The following RAB38 variants were observed in gnomAD, a reference collection of about 807,000 sequenced individuals.
The protein encoded by RAB38 is ras-related protein Rab-38.
Under a neutral mutation model 18.4 loss-of-function variants are expected in RAB38, and 15 were observed. The observed-to-expected ratio is 0.82, with a 90% CI of 0.55 to 1.26. The LOEUF (loss-of-function observed/expected upper bound fraction) is 1.26, where lower values mean the gene tolerates loss of function less well. RAB38 is among the 50% of genes most tolerant of loss of function. The pLI is 0.00. For missense variants in RAB38, 294 were observed against 267.4 expected, an observed-to-expected ratio of 1.10 and a Z score of -0.69; for synonymous variants, 101 against 104.4, an observed-to-expected ratio of 0.97 and a Z score of 0.20.
At chr11:88,094,454 T>A in the RAB38 span, among the ~76,000 whole-genome samples, 1 of 151,842 alleles carries the variant, frequency 6.6e-6, no homozygotes, top group Non-Finnish European at 1.5e-5. Context: ...TAAGAACAAG[T>A]TTTGCTTTCT....
the RAB38 span, among the ~76,000 whole-genome samples, chr11:87,930,971 T>C: frequency 6.6e-6 from 1 of 152,186 alleles, no homozygotes; most frequent in Non-Finnish European, 1.5e-5. Flanking sequence ...ACTGTAGCCT[T>C]GTAGCATAGT....
At chr11:88,020,547 G>C in the RAB38 span, among the ~76,000 whole-genome samples, 1 of 152,238 alleles carries the variant, frequency 6.6e-6, no homozygotes, top group Non-Finnish European at 1.5e-5. Flanking sequence ...AGGTATCCCA[G>C]ACAGAAACTC....
chr11:88,075,540 G>A, the RAB38 span, among the ~76,000 whole-genome samples: 1 of 152,116 alleles, frequency 6.6e-6, no homozygotes, highest in Non-Finnish European at 1.5e-5. Context: ...AGCAAACGTA[G>A]TACTAAGAGG....
At chr11:87,898,879 A>G in the RAB38 span, among the ~76,000 whole-genome samples, 1 of 151,616 alleles carries the variant, frequency 6.6e-6, no homozygotes, top group Non-Finnish European at 1.5e-5. Flanking sequence ...GGATTCCCCC[A>G]TGTAGGAAGG....
At chr11:87,935,776 G>T in the RAB38 span, among the ~76,000 whole-genome samples, 2 of 151,902 alleles carry the variant, frequency 1.3e-5, no homozygotes, top group Non-Finnish European at 2.9e-5. Context: ...CTGCATCCAT[G>T]AACCTGTTCT....
chr11:87,918,622 G>A, the RAB38 span, among the ~76,000 whole-genome samples: 2 of 152,050 alleles, frequency 1.3e-5, no homozygotes, highest in African/African-American at 4.8e-5. Flanking sequence ...GTATTTCCCT[G>A]ATGACTACTG....
chr11:87,926,461 A>T, the RAB38 span, among the ~76,000 whole-genome samples: 1 of 152,068 alleles, frequency 6.6e-6, no homozygotes, highest in African/African-American at 2.4e-5. Context: ...AGAACACTGA[A>T]TCACTCAGGA....
the RAB38 span, among the ~76,000 whole-genome samples, chr11:88,103,093 A>G: frequency 6.6e-6 from 1 of 152,062 alleles, no homozygotes; most frequent in South Asian, 2.1e-4. Flanking sequence ...TTACTGATTT[A>G]GGAAATTTAA....
At chr11:88,053,354 CACACACATATATATGGAATATATATATAT>C in the RAB38 span, among the ~76,000 whole-genome samples, 203 of 51,974 alleles carry the variant, frequency 3.9e-3, 8 homozygotes, top group African/African-American at 0.011. Context: ...TATATATATA[CACACACATATATATGGAATATATATATAT>C]ACACACACAT....
chr11:88,005,804 G>C, the RAB38 span, among the ~76,000 whole-genome samples: 1 of 151,448 alleles, frequency 6.6e-6, no homozygotes, highest in Non-Finnish European at 1.5e-5. Context: ...GTCTAGTTTT[G>C]TTCTTCTGTA....
At chr11:87,855,442 A>T in the RAB38 span, among the ~76,000 whole-genome samples, 1 of 152,160 alleles carries the variant, frequency 6.6e-6, no homozygotes, top group Admixed American at 6.6e-5. Flanking sequence ...AACAGTGGCG[A>T]TGTAAGAATT....
chr11:87,958,295 A>G, the RAB38 span, among the ~76,000 whole-genome samples: 1 of 152,170 alleles, frequency 6.6e-6, no homozygotes, highest in African/African-American at 2.4e-5. Context: ...TTAGGTGTAT[A>G]AGATGCATTT....
the RAB38 span, among the ~76,000 whole-genome samples, chr11:87,825,140 C>T: frequency 6.6e-6 from 1 of 152,064 alleles, no homozygotes; most frequent in African/African-American, 2.4e-5. Flanking sequence ...ATCAAGAATC[C>T]TACATCTAGT....
At chr11:87,820,677 C>T in the RAB38 span, among the ~76,000 whole-genome samples, 1 of 152,094 alleles carries the variant, frequency 6.6e-6, no homozygotes, top group East Asian at 1.9e-4. Context: ...AAATGAGGTA[C>T]TGTGAATAAG....
At chr11:87,842,124 T>A in the RAB38 span, among the ~76,000 whole-genome samples, 1,169 of 152,134 alleles carry the variant, frequency 7.7e-3, 22 homozygotes, top group African/African-American at 0.027. Context: ...GTGTTATGGA[T>A]GAATAAAGAA....
rs192780970 is a variant in RAB38, at chr11:88,149,904, C to A, written c.254G>T (p.Gly85Val). Reference protein sequence around the residue: ...MTRVYYREAMGAFIVFDVTRP... With the variant: ...MTRVYYREAMVAFIVFDVTRP... ...GGTGACATCGAAGACAATAAATGCA[C>A]CCATAGCTTCTCGGTAATAGACCCT... The change falls in exon 2 of 3, where the codon GGT (glycine) becomes GTT (valine). Residue 85 changes from glycine (G) to valine (V), a missense_variant. By Grantham distance (109) the Gly-to-Val change is moderately radical (BLOSUM62 -3). Coordinates refer to ENST00000243662, the MANE Select transcript of RAB38 (RefSeq NM_022337.3). 1 of 1,613,998 alleles carries A rather than the reference C, an allele frequency of 6.2e-7. No homozygotes were observed.
the RAB38 span, among the ~76,000 whole-genome samples, chr11:87,864,696 A>G: frequency 6.6e-6 from 1 of 151,814 alleles, no homozygotes; most frequent in Non-Finnish European, 1.5e-5. Context: ...GATACCAGTT[A>G]TTTGGAATTC....
At chr11:87,823,805 A>C in the RAB38 span, among the ~76,000 whole-genome samples, 1 of 152,182 alleles carries the variant, frequency 6.6e-6, no homozygotes, top group African/African-American at 2.4e-5. Flanking sequence ...ATGGAATACT[A>C]TTCAGCAATA....
chr11:88,031,180 G>C, the RAB38 span, among the ~76,000 whole-genome samples: 2 of 152,022 alleles, frequency 1.3e-5, no homozygotes, highest in African/African-American at 2.4e-5. Context: ...ATTCAAAAAC[G>C]CTTCATGCTA....
Sources: allele counts gnomAD v4.1 joint callset (sites outside exome capture counted in the v4.1 genomes callset), GRCh38; gene constraint gnomAD v4.1.1; transcripts MANE v1.5; gene names NCBI Gene and HGNC (gene_info 2026-07-23, HGNC 2026-07-21).